FOXP1: variants seen among roughly 807,000 people sequenced by gnomAD.
FOXP1 encodes the protein forkhead box protein P1.
FOXP1 carries 15 observed loss-of-function variants against 98.2 expected under a neutral mutation model. The observed-to-expected ratio is 0.15, with a 90% CI of 0.10 to 0.24. The LOEUF is 0.24. Ranked by LOEUF, FOXP1 falls within the 10% of genes least tolerant of loss-of-function variation. The pLI is 1.00. For synonymous variants in FOXP1, 371 were observed against 314.5 expected, an observed-to-expected ratio of 1.18 and a Z score of -1.90; for missense variants, 633 against 848.5, an observed-to-expected ratio of 0.75 and a Z score of 3.15.
chr3:71,263,614 C>T (rs1403419389), intron 5 of FOXP1, among the ~76,000 whole-genome samples: 1 of 152,194 alleles, frequency 6.6e-6, no homozygotes, highest in Non-Finnish European at 1.5e-5. Flanking sequence ...AAGGCTGCTC[C>T]ACCTACTCAA....
rs142217135 is a variant in FOXP1, at chr3:71,410,290, T to G, written c.-167-51046A>C. On this transcript the variant is annotated intron_variant, in intron 3 of 20. Coordinates refer to ENST00000649528, the MANE Select transcript of FOXP1 (RefSeq NM_001349338.3). ...AGCTTCTGAGACACAGAATCAGAGA[T>G]CTTTTGATATTTTTTACTGAATCAA... is the stretch of plus-strand genomic sequence containing the variant. 8.4e-3 allele frequency among the ~76,000 whole-genome samples: 1,278 copies of G among 152,312 alleles called. 6 individuals carry two copies. Among genetic ancestry groups the G allele is most frequent in the South Asian group, 0.021 (101 of 4,828 alleles).
intron 3 of FOXP1, among the ~76,000 whole-genome samples, chr3:71,428,550 A>AG (rs1352149147): frequency 6.6e-6 from 1 of 152,228 alleles, no homozygotes; most frequent in African/African-American, 2.4e-5. Context: ...TATCTTAACA[A>AG]GTCTTGTTCA....
intron 3 of FOXP1, among the ~76,000 whole-genome samples, chr3:71,467,290 C>G (rs2088871088): frequency 6.6e-6 from 1 of 152,160 alleles, no homozygotes; most frequent in South Asian, 2.1e-4. Context: ...AAATTTCTTC[C>G]TTCTGCTTCA....
At chr3:71,095,718 A>G (rs944333795) in intron 7 of FOXP1, among the ~76,000 whole-genome samples, 1 of 152,184 alleles carries the variant, frequency 6.6e-6, no homozygotes, top group Non-Finnish European at 1.5e-5. Flanking sequence ...CTTACCTGAA[A>G]GGTATCCAAA....
In FOXP1 at chr3:70,956,489, G is replaced by T. The variant is rs1559549448; in HGVS notation, c.*2758C>A. ...ACGACTAAGTGCAACTGAGTGAAAT[G>T]TTTTTTTTTTAAATTTTAATCATTC... is the stretch of plus-strand genomic sequence containing the variant. On this transcript the variant is annotated 3_prime_UTR_variant, in exon 21 of 21. Transcript: ENST00000649528. 3 of 208,832 alleles carry T rather than the reference G, an allele frequency of 1.4e-5. No individual in the cohort carries two copies. Among genetic ancestry groups the T allele is most frequent in the Admixed American group, 6.2e-5 (1 of 16,138 alleles). 12.9% of individuals were successfully genotyped at this position (208,832 alleles called of 1,614,324 possible).
At chr3:71,232,975 T>C (rs1285997877) in intron 5 of FOXP1, among the ~76,000 whole-genome samples, 2 of 146,836 alleles carry the variant, frequency 1.4e-5, no homozygotes, top group East Asian at 4.2e-4. Context: ...CTACTACTAC[T>C]ACTACTACTA....
chr3:71,522,801 C>T (rs555138834), intron 2 of FOXP1, among the ~76,000 whole-genome samples: 2 of 152,296 alleles, frequency 1.3e-5, no homozygotes, highest in South Asian at 4.1e-4. Flanking sequence ...TGGTCTCAAG[C>T]TGGGATGGGC....
chr3:71,545,563 TATC>T (rs1165846039), intron 2 of FOXP1, among the ~76,000 whole-genome samples: 1 of 152,228 alleles, frequency 6.6e-6, no homozygotes, highest in African/African-American at 2.4e-5. Flanking sequence ...TGCAAATATT[TATC>T]TTCTAGAACA....
rs555631653 is a variant in FOXP1, at chr3:70,966,220, C to T, written c.1723-164G>A. On this transcript the variant is annotated intron_variant, in intron 19 of 20. Coordinates refer to ENST00000649528, the MANE Select transcript of FOXP1 (RefSeq NM_001349338.3). The stretch of plus-strand genomic sequence containing the variant: ...GAAAGATTTTGCTTTAAAAACGACT[C>T]GTGGCACCTGTCCCAAGCTTGGTTT... 1.3e-4 allele frequency: 91 copies of T among 694,078 alleles called. 1 individual carries two copies. The highest frequency in any genetic ancestry group is 1.5e-4 in the Admixed American group (7 of 47,740). 43.0% of individuals were successfully genotyped at this position (694,078 alleles called of 1,614,324 possible). A position where few individuals can be genotyped will look rare whatever the true frequency, so the allele number is the denominator to read the frequency against.
At chr3:71,504,071 C>T (rs974359976) in intron 2 of FOXP1, among the ~76,000 whole-genome samples, 5 of 152,108 alleles carry the variant, frequency 3.3e-5, no homozygotes, top group Admixed American at 3.3e-4. Flanking sequence ...TGAGATGTTT[C>T]GCAAGTCAGT....
intron 7 of FOXP1, among the ~76,000 whole-genome samples, chr3:71,089,665 G>A (rs1178027424): frequency 2.6e-5 from 4 of 152,136 alleles, no homozygotes; most frequent in Middle Eastern, 3.2e-3. Context: ...CACAGTCCTA[G>A]TTAAGAAAGA....
intron 4 of FOXP1, among the ~76,000 whole-genome samples, chr3:71,335,600 C>T (rs1339561266): frequency 6.6e-6 from 1 of 152,170 alleles, no homozygotes; most frequent in African/African-American, 2.4e-5. Context: ...GGCCTGGACA[C>T]ACTCACAACA....
At chr3:71,432,115 G>A (rs926881569) in intron 3 of FOXP1, among the ~76,000 whole-genome samples, 3 of 152,190 alleles carry the variant, frequency 2.0e-5, no homozygotes, top group African/African-American at 7.2e-5. Context: ...AGAGAAAGCA[G>A]ACGCTGACAT....
At chr3:71,270,273 T>C (rs1277702887) in intron 5 of FOXP1, among the ~76,000 whole-genome samples, 3 of 152,160 alleles carry the variant, frequency 2.0e-5, no homozygotes, top group Non-Finnish European at 4.4e-5. Flanking sequence ...ATAAATTCCA[T>C]GGAATTAAAA....
intron 5 of FOXP1, among the ~76,000 whole-genome samples, chr3:71,279,389 G>A (rs924600197): frequency 3.3e-5 from 5 of 152,086 alleles, no homozygotes; most frequent in Admixed American, 1.3e-4. Flanking sequence ...GACACTTGGC[G>A]ATGTCTACGG....
chr3:71,544,003 GTATGTGTGTATACACACATA>G (rs1249255543), intron 2 of FOXP1, among the ~76,000 whole-genome samples: 1 of 79,552 alleles, frequency 1.3e-5, no homozygotes, highest in African/African-American at 3.2e-5. Flanking sequence ...ATACACACAT[GTATGTGTGTATACACACATA>G]TACACACATA....
chr3:71,300,340 C>T (rs1277131414), intron 4 of FOXP1, among the ~76,000 whole-genome samples: 6 of 152,142 alleles, frequency 3.9e-5, no homozygotes, highest in Admixed American at 3.3e-4. Flanking sequence ...TCTGCCACTT[C>T]GGACCTTTCA....
In FOXP1 at chr3:71,431,033, G is replaced by T. The variant is rs1253367747; in HGVS notation, c.-168+62393C>A. Among the ~76,000 whole-genome samples the T allele has an allele frequency of 3.9e-5, 6 of 152,328 alleles. No homozygotes were observed. The South Asian group carries it at 1.2e-3, about 32-fold the overall frequency. On this transcript the variant is annotated intron_variant, in intron 3 of 20. Transcript: ENST00000649528. ...TACTGCAACAAAGCATTTAGAAGGTGCATGGTGGACAGAACCAGGCAGGGA... is the reference window on the plus strand; with the variant it reads ...TACTGCAACAAAGCATTTAGAAGGTTCATGGTGGACAGAACCAGGCAGGGA...
intron 7 of FOXP1, among the ~76,000 whole-genome samples, chr3:71,102,789 G>T (rs1199079109): frequency 6.6e-6 from 1 of 152,310 alleles, no homozygotes; most frequent in East Asian, 1.9e-4. Flanking sequence ...GGCCCAGGTG[G>T]TAGCTCAGGG....
Sources: allele counts gnomAD v4.1 joint callset (sites outside exome capture counted in the v4.1 genomes callset), GRCh38; gene constraint gnomAD v4.1.1; transcripts MANE v1.5; gene names NCBI Gene and HGNC (gene_info 2026-07-23, HGNC 2026-07-21).